NKAIN2: variants seen among roughly 807,000 people sequenced by gnomAD.
NKAIN2 encodes the protein sodium/potassium-transporting ATPase subunit beta-1-interacting protein 2.
In NKAIN2, 14 loss-of-function variants were observed where a neutral mutation model predicts 32.6. The ratio of observed to expected loss-of-function variants is 0.43; its 90% CI spans 0.28 to 0.67. NKAIN2 has a LOEUF of 0.67. Among genes scored for constraint, NKAIN2 ranks in the 30% least tolerant of loss-of-function variants. The pLI, the probability that NKAIN2 is intolerant of heterozygous loss-of-function variation, is 0.17. For synonymous variants in NKAIN2, 80 were observed against 87.2 expected (o/e 0.92, Z 0.46); for missense variants, 198 against 258.3 (o/e 0.77, Z 1.60).
chr6:124,622,323 A>G (rs1783136184), intron 3 of NKAIN2, among the ~76,000 whole-genome samples: 1 of 152,152 alleles, frequency 6.6e-6, no homozygotes, highest in Admixed American at 6.5e-5. Context: ...GTTCCCTCAC[A>G]GGATATGCGA....
intron 1 of NKAIN2, among the ~76,000 whole-genome samples, chr6:123,904,304 A>G (rs927018959): frequency 2.6e-4 from 39 of 152,338 alleles, no homozygotes; most frequent in African/African-American, 9.1e-4. Flanking sequence ...CCGAATGTTG[A>G]TAACTTGTTT....
intron 1 of NKAIN2, among the ~76,000 whole-genome samples, chr6:123,923,738 C>A (rs1775870373): frequency 7.3e-6 from 1 of 136,678 alleles, no homozygotes; most frequent in Non-Finnish European, 1.5e-5. Flanking sequence ...GGGAATTGAA[C>A]AATGAGATCA....
chr6:124,738,324 T>C (rs552378808), intron 4 of NKAIN2, among the ~76,000 whole-genome samples: 1 of 151,866 alleles, frequency 6.6e-6, no homozygotes, highest in South Asian at 2.1e-4. Context: ...GATAATAAAA[T>C]AAAACATAGA....
At chr6:124,014,828 T>C (rs1780488791) in intron 1 of NKAIN2, among the ~76,000 whole-genome samples, 1 of 152,188 alleles carries the variant, frequency 6.6e-6, no homozygotes, top group Non-Finnish European at 1.5e-5. Flanking sequence ...ATCAATATTC[T>C]TAAAAATCAT....
In NKAIN2 at chr6:124,634,448, A is replaced by C. The variant is rs1448203292; in HGVS notation, c.274-23738A>C. ...AAATCATATTTGAAGATTTTTGTGA[A>C]TAAAATTAAAAGTACAATTGAGCAC... On this transcript the variant is annotated intron_variant, in intron 3 of 6. Coordinates refer to ENST00000368417, the MANE Select transcript of NKAIN2 (RefSeq NM_001040214.3). 2.0e-5 allele frequency among the ~76,000 whole-genome samples: 3 copies of C among 152,142 alleles called. 1 individual carries two copies. The highest frequency in any genetic ancestry group is 1.5e-5 in the Non-Finnish European group (1 of 68,002).
intron 3 of NKAIN2, among the ~76,000 whole-genome samples, chr6:124,558,000 C>G (rs1471428381): frequency 6.6e-6 from 1 of 152,166 alleles, no homozygotes; most frequent in Admixed American, 6.5e-5. Flanking sequence ...ACATGATATA[C>G]AATGCATTGC....
intron 1 of NKAIN2, among the ~76,000 whole-genome samples, chr6:123,963,451 T>C (rs2114617287): frequency 6.6e-6 from 1 of 152,290 alleles, no homozygotes; most frequent in East Asian, 1.9e-4. Context: ...AGAGAGTTGA[T>C]GTAGTGTAGT....
intron 3 of NKAIN2, among the ~76,000 whole-genome samples, chr6:124,387,228 A>C (rs1345003849): frequency 6.6e-6 from 1 of 152,104 alleles, no homozygotes; most frequent in Non-Finnish European, 1.5e-5. Context: ...AAAAATGATA[A>C]GCAAGCAGTG....
At chr6:124,185,372 G>T (rs1789665049) in intron 1 of NKAIN2, among the ~76,000 whole-genome samples, 1 of 152,114 alleles carries the variant, frequency 6.6e-6, no homozygotes, top group East Asian at 1.9e-4. Flanking sequence ...GAAGTACTGT[G>T]TGTCAGCTAC....
At chr6:124,220,877 T>C (rs1332992321) in intron 1 of NKAIN2, among the ~76,000 whole-genome samples, 1 of 152,126 alleles carries the variant, frequency 6.6e-6, no homozygotes. Context: ...AAAGGAATAA[T>C]TTTAAGCCAA....
intron 3 of NKAIN2, among the ~76,000 whole-genome samples, chr6:124,614,088 CTT>C (rs960103724): frequency 2.0e-5 from 3 of 152,136 alleles, no homozygotes; most frequent in African/African-American, 4.8e-5. Context: ...TTTCTCCTCT[CTT>C]ATTTTTAAAA....
chr6:124,076,797 T>C (rs1277213380), intron 1 of NKAIN2, among the ~76,000 whole-genome samples: 1 of 152,174 alleles, frequency 6.6e-6, no homozygotes, highest in East Asian at 1.9e-4. Context: ...CATAAATCTG[T>C]AGTGCAGAGA....
At chr6:124,050,282 C>T (rs533470580) in intron 1 of NKAIN2, among the ~76,000 whole-genome samples, 4 of 152,118 alleles carry the variant, frequency 2.6e-5, no homozygotes, top group African/African-American at 9.6e-5. Flanking sequence ...TAGTATTTTA[C>T]TAATGAAGTA....
chr6:124,709,905 T>A lies in NKAIN2; in HGVS notation c.474+51519T>A, dbSNP rs1003681539. On this transcript the variant is annotated intron_variant, in intron 4 of 6. Coordinates refer to ENST00000368417, the MANE Select transcript of NKAIN2 (RefSeq NM_001040214.3). ...ATGTGTTTGCTCTTGCTTTTCTAAT[T>A]CTTTTAATTGTAATGTTAGGGTGTC... Among the ~76,000 whole-genome samples, 7 of 152,272 alleles carry A rather than the reference T, an allele frequency of 4.6e-5. No homozygotes were observed. The Middle Eastern group carries it at 0.01, about 222-fold the overall frequency.
chr6:124,165,448 G>C, intron 1 of NKAIN2, among the ~76,000 whole-genome samples: 1 of 151,880 alleles, frequency 6.6e-6, no homozygotes, highest in Admixed American at 6.6e-5. Flanking sequence ...ATACCAGTTT[G>C]TTTGAAAATG....
intron 1 of NKAIN2, among the ~76,000 whole-genome samples, chr6:123,885,155 G>T (rs1773654193): frequency 6.6e-6 from 1 of 152,058 alleles, no homozygotes; most frequent in Non-Finnish European, 1.5e-5. Flanking sequence ...ATTTTTGTAT[G>T]CATATTTATC....
intron 1 of NKAIN2, among the ~76,000 whole-genome samples, chr6:124,109,460 G>C (rs966270221): frequency 6.6e-6 from 1 of 151,948 alleles, no homozygotes; most frequent in Non-Finnish European, 1.5e-5. Flanking sequence ...CTCTAATGTT[G>C]TCTAAGATCA....
intron 1 of NKAIN2, among the ~76,000 whole-genome samples, chr6:124,000,858 G>A (rs1779850500): frequency 1.3e-5 from 2 of 151,972 alleles, no homozygotes; most frequent in South Asian, 2.1e-4. Context: ...ATTATTGTAA[G>A]TGTCATTGGC....
At chr6:123,864,768 G>A (rs370494132) in intron 1 of NKAIN2, among the ~76,000 whole-genome samples, 1 of 152,284 alleles carries the variant, frequency 6.6e-6, no homozygotes, top group Non-Finnish European at 1.5e-5. Context: ...AATAAATTGA[G>A]TGTAATCACT....
Sources: allele counts gnomAD v4.1 joint callset (sites outside exome capture counted in the v4.1 genomes callset), GRCh38; gene constraint gnomAD v4.1.1; transcripts MANE v1.5; gene names NCBI Gene and HGNC (gene_info 2026-07-23, HGNC 2026-07-21).